The following ARMC2 variants were observed in gnomAD, a reference collection of about 807,000 sequenced individuals.
ARMC2 encodes armadillo repeat-containing protein 2.
A neutral mutation model predicts 90.3 loss-of-function variants in ARMC2; 67 were observed. That is an observed-to-expected ratio of 0.74 (90% CI 0.61 to 0.91). The LOEUF (loss-of-function observed/expected upper bound fraction) is 0.91. Ranked by LOEUF, ARMC2 falls within the 40% of genes least tolerant of loss-of-function variation. ARMC2 has a pLI of 0.00. For synonymous variants in ARMC2, 393 were observed against 393.0 expected (o/e 1.00, Z 0.00); for missense variants, 920 against 1,030.9 (o/e 0.89, Z 1.47).
intron 5 of ARMC2, among the ~76,000 whole-genome samples, chr6:108,891,362 C>G (rs920964251): frequency 6.6e-6 from 1 of 152,186 alleles, no homozygotes; most frequent in African/African-American, 2.4e-5. Flanking sequence ...ATTTACACTC[C>G]CACCAACAGT....
At position 108,854,216 on chromosome 6, in the gene ARMC2, T is replaced by G. The variant is rs907066229; in HGVS notation, c.-43-9T>G. ...AAATAATGATGGTTTTTGTACCATG[T>G]ATTTGCAGGGTGTGGTGTCTATCTG... On this transcript the variant is annotated splice_polypyrimidine_tract_variant and intron_variant, in intron 1 of 17. Coordinates refer to ENST00000392644, the MANE Select transcript of ARMC2 (RefSeq NM_032131.6). 35 of 1,369,068 alleles carry G rather than the reference T, an allele frequency of 2.6e-5. No homozygotes were observed. The African/African-American group carries it at 4.5e-4, about 18-fold the overall frequency. The allele number at this position is 1,369,068 out of a possible 1,614,324, so 84.8% of individuals were successfully genotyped here.
At chr6:109,047,504 C>G in the ARMC2 span, among the ~76,000 whole-genome samples, 1 of 129,322 alleles carries the variant, frequency 7.7e-6, no homozygotes, top group Admixed American at 7.2e-5. Flanking sequence ...CCAGCCGCCC[C>G]GTCCGGGAGG....
chr6:109,015,913 T>C, the ARMC2 span, among the ~76,000 whole-genome samples: 1 of 152,370 alleles, frequency 6.6e-6, no homozygotes, highest in Admixed American at 6.5e-5. Context: ...GAAATTCTCA[T>C]AGTGCTTCTA....
At chr6:108,926,725 C>CAAA (rs923207428) in intron 10 of ARMC2, among the ~76,000 whole-genome samples, 1 of 137,248 alleles carries the variant, frequency 7.3e-6, no homozygotes, top group East Asian at 2.1e-4. Context: ...ACTCTGTCTC[C>CAAA]AAAAAAAAAA....
chr6:109,024,948 A>ATTTACT, the ARMC2 span, among the ~76,000 whole-genome samples: 1 of 152,226 alleles, frequency 6.6e-6, no homozygotes, highest in African/African-American at 2.4e-5. Flanking sequence ...CTGGCAAAGT[A>ATTTACT]ACAGAAATCC....
the ARMC2 span, chr6:108,987,361 CCAAA>C: frequency 2.0e-6 from 1 of 492,578 alleles, no homozygotes; most frequent in East Asian, 3.2e-5. Flanking sequence ...CTTGAAGCTG[CCAAA>C]CAGTCACTGC....
chr6:109,030,709 AG>A, the ARMC2 span, among the ~76,000 whole-genome samples: 2 of 152,244 alleles, frequency 1.3e-5, no homozygotes, highest in African/African-American at 4.8e-5. Context: ...GGTTCTACCT[AG>A]GGACTACAGA....
At chr6:108,875,196 A>G (rs1005969798) in intron 4 of ARMC2, among the ~76,000 whole-genome samples, 3 of 152,132 alleles carry the variant, frequency 2.0e-5, no homozygotes, top group African/African-American at 7.2e-5. Flanking sequence ...GGGAAATGTT[A>G]TATTATTATA....
the ARMC2 span, among the ~76,000 whole-genome samples, chr6:109,020,163 G>A: frequency 2.0e-5 from 3 of 152,112 alleles, no homozygotes; most frequent in African/African-American, 4.8e-5. Context: ...TCCAGATACC[G>A]GTGAGGCCTA....
the ARMC2 span, among the ~76,000 whole-genome samples, chr6:108,984,016 C>T: frequency 2.6e-5 from 4 of 152,196 alleles, no homozygotes; most frequent in East Asian, 7.7e-4. Flanking sequence ...CCTGTCTGAT[C>T]AGCTGCAGCA....
At position 108,942,606 on chromosome 6, in the gene ARMC2, A is replaced by AT. The variant is rs200795327; in HGVS notation, c.1596+5617dup. Among the ~76,000 whole-genome samples, 1,059 of 150,038 alleles carry AT rather than the reference A, an allele frequency of 7.1e-3. 10 individuals are homozygous for AT. Among genetic ancestry groups the AT allele is most frequent in the African/African-American group, 0.025 (1,003 of 40,914 alleles). ...AACAGAATTATTACTTCCTATAATT[A>AT]TTTTTTTTTTCAGCTCCTGGAAACA... is the stretch of plus-strand genomic sequence containing the variant. On this transcript the variant is annotated intron_variant, in intron 12 of 17. Coordinates refer to ENST00000392644, the MANE Select transcript of ARMC2 (RefSeq NM_032131.6).
intron 1 of ARMC2, among the ~76,000 whole-genome samples, chr6:108,851,684 T>C (rs966272705): frequency 6.6e-6 from 1 of 152,168 alleles, no homozygotes; most frequent in Non-Finnish European, 1.5e-5. Context: ...CTCACACCTG[T>C]AATCCCAGCA....
the ARMC2 span, among the ~76,000 whole-genome samples, chr6:108,983,068 C>T: frequency 1.5e-3 from 221 of 152,212 alleles, no homozygotes; most frequent in Middle Eastern, 0.014. Context: ...CTGCCTGCCT[C>T]GGCCTCCCAA....
the ARMC2 span, among the ~76,000 whole-genome samples, chr6:109,027,153 GAGAA>G: frequency 1.3e-5 from 2 of 151,960 alleles, no homozygotes; most frequent in African/African-American, 2.4e-5. Context: ...CTCAGTGACA[GAGAA>G]AGATTCTGTC....
At chr6:109,001,571 T>A in the ARMC2 span, 1 of 1,195,210 alleles carries the variant, frequency 8.4e-7, no homozygotes, top group African/African-American at 1.5e-5. Flanking sequence ...ACACTCTAAG[T>A]ATCATTTAGA....
chr6:108,969,936 T>G (rs892479993), intron 17 of ARMC2, among the ~76,000 whole-genome samples: 7 of 151,952 alleles, frequency 4.6e-5, no homozygotes, highest in African/African-American at 1.7e-4. Flanking sequence ...CTCAGGAAAC[T>G]GAGGTGGGAG....
At chr6:108,871,511 A>T (rs541142315) in intron 4 of ARMC2, among the ~76,000 whole-genome samples, 1 of 152,088 alleles carries the variant, frequency 6.6e-6, no homozygotes, top group East Asian at 1.9e-4. Flanking sequence ...TATGAACAGG[A>T]TGGCAGGATT....
the ARMC2 span, chr6:108,988,836 A>C: frequency 1.7e-6 from 1 of 586,852 alleles, no homozygotes; most frequent in South Asian, 2.5e-5. Context: ...TTATAACTGC[A>C]GATGAATAAG....
At chr6:108,860,143 T>G (rs929429292) in intron 3 of ARMC2, among the ~76,000 whole-genome samples, 1 of 152,106 alleles carries the variant, frequency 6.6e-6, no homozygotes, top group Admixed American at 6.5e-5. Context: ...TCATTTCTGC[T>G]GTCATATTTT....
Sources: gnomAD v4.1 joint callset for allele counts (sites outside exome capture counted in the v4.1 genomes callset) on GRCh38, gnomAD v4.1.1 for gene constraint, MANE v1.5 for transcripts, NCBI Gene and HGNC (gene_info 2026-07-23, HGNC 2026-07-21) for gene names.